COL24A1: variants seen among roughly 807,000 people sequenced by gnomAD.
COL24A1 encodes the protein collagen type XXIV alpha 1 chain, also known as collagen alpha-1(XXIV) chain.
In COL24A1, 224 loss-of-function variants were observed where a neutral mutation model predicts 253.9. The ratio of observed to expected loss-of-function variants is 0.88; its 90% CI spans 0.79 to 0.99. The LOEUF is 0.99. COL24A1 is among the 50% of genes least tolerant of loss of function. The pLI, the probability that COL24A1 is intolerant of heterozygous loss-of-function variation, is 0.00. For synonymous variants in COL24A1, 685 were observed against 673.7 expected, an observed-to-expected ratio of 1.02 and a Z score of -0.26; for missense variants, 2,131 against 2,068.5, an observed-to-expected ratio of 1.03 and a Z score of -0.59.
At chr1:85,755,520 T>A (rs1313748931) in intron 55 of COL24A1, among the ~76,000 whole-genome samples, 4 of 73,910 alleles carry the variant, frequency 5.4e-5, no homozygotes, top group African/African-American at 1.6e-4. Flanking sequence ...GGTACTGTCA[T>A]AAAGACAGAC....
intron 47 of COL24A1, among the ~76,000 whole-genome samples, chr1:85,813,496 G>A (rs1405902176): frequency 2.1e-5 from 3 of 143,190 alleles, no homozygotes; most frequent in African/African-American, 7.9e-5. Flanking sequence ...TCTGGCAGGT[G>A]ACTTAGGTCA....
intron 55 of COL24A1, among the ~76,000 whole-genome samples, chr1:85,746,314 A>G (rs189184461): frequency 6.3e-4 from 96 of 152,276 alleles, no homozygotes; most frequent in African/African-American, 2.2e-3. Context: ...AGTTTGAAAA[A>G]CTATTTGAAA....
chr1:85,882,960 A>G (rs1375047720), intron 32 of COL24A1, among the ~76,000 whole-genome samples: 2 of 152,102 alleles, frequency 1.3e-5, no homozygotes, highest in Non-Finnish European at 2.9e-5. Flanking sequence ...ACTTTCCTTC[A>G]TATTTCACAT....
chr1:85,942,777 G>A (rs781231187), intron 24 of COL24A1, among the ~76,000 whole-genome samples: 3 of 152,138 alleles, frequency 2.0e-5, no homozygotes, highest in Non-Finnish European at 2.9e-5. Flanking sequence ...ATTGCATCAC[G>A]TTAGTTACAT....
intron 38 of COL24A1, among the ~76,000 whole-genome samples, chr1:85,848,139 C>G (rs1273283062): frequency 6.6e-6 from 1 of 152,128 alleles, no homozygotes; most frequent in Non-Finnish European, 1.5e-5. Context: ...TTCAATGCAA[C>G]AAGGTCTGTT....
At chr1:86,023,618 AAG>A (rs1039255162) in intron 14 of COL24A1, among the ~76,000 whole-genome samples, 3 of 152,140 alleles carry the variant, frequency 2.0e-5, no homozygotes, top group African/African-American at 7.2e-5. Context: ...TGAAGAAAAA[AAG>A]AGAAAAAAGA....
At position 86,125,993 on chromosome 1, in the gene COL24A1, G is replaced by A. The variant is rs1161839928; in HGVS notation, c.343C>T (p.His115Tyr). The change falls in exon 3 of 60, where the codon CAT (histidine) becomes TAT (tyrosine). Residue 115 changes from histidine (H) to tyrosine (Y), a missense_variant. Transcript: ENST00000370571. Reference protein sequence around the residue: ...PFTILTGLQSHRVNNAFLFSI... With the variant: ...PFTILTGLQSYRVNNAFLFSI... ...AAGAGAAATGCATTGTTCACCCGAT[G>A]TGACTGTAACCCAGTTAATATTGTA... 2 of 1,613,476 alleles carry A rather than the reference G, an allele frequency of 1.2e-6. No homozygotes were observed. Among genetic ancestry groups the A allele is most frequent in the East Asian group, 2.2e-5 (1 of 44,858 alleles).
At chr1:85,974,960 T>C (rs1004063492) in intron 20 of COL24A1, among the ~76,000 whole-genome samples, 1 of 152,140 alleles carries the variant, frequency 6.6e-6, no homozygotes, top group Non-Finnish European at 1.5e-5. Context: ...TCCTTTTATA[T>C]CAGACATTAA....
In COL24A1 at chr1:85,963,954, T is replaced by C. The variant is rs1412057260; in HGVS notation, c.2517+1055A>G. Among the ~76,000 whole-genome samples, 10 of 152,116 alleles carry C rather than the reference T, an allele frequency of 6.6e-5. No individual in the cohort carries two copies. In the East Asian group the frequency reaches 1.3e-3, roughly 20 times the overall value. On this transcript the variant is annotated intron_variant, in intron 23 of 59. Coordinates refer to ENST00000370571, the MANE Select transcript of COL24A1 (RefSeq NM_152890.7). ...AATCCTATTTTTCAGAGGACTTTTA[T>C]ATGTAACTTGAGAAAGAGTCAGGTA...
Position 85,744,819 on chromosome 1 carries a change from C to T in COL24A1, c.4519G>A (p.Glu1507Lys). 6.2e-7 allele frequency: 1 copy of T among 1,607,660 alleles called. No individual in the cohort carries two copies. The highest frequency in any genetic ancestry group is 8.5e-7 in the Non-Finnish European group (1 of 1,177,392). The change falls in exon 57 of 60, where the codon GAA (glutamate) becomes AAA (lysine). Residue 1507 changes from glutamate to lysine, a missense_variant. Glu to Lys is a moderately conservative substitution (Grantham distance 56). Coordinates refer to ENST00000370571, the MANE Select transcript of COL24A1 (RefSeq NM_152890.7). ...ALQMESYQNTEVTLIDHSEEI... is the reference protein window; with the variant it reads ...ALQMESYQNTKVTLIDHSEEI... ...TCACTGTGGTCAATTAAAGTCACTT[C>T]AGTATTCTGGTAGCTCTGCCAAGTC...
chr1:85,776,746 A>G (rs1368368580), intron 52 of COL24A1, among the ~76,000 whole-genome samples: 1 of 151,998 alleles, frequency 6.6e-6, no homozygotes, highest in Non-Finnish European at 1.5e-5. Flanking sequence ...ACTGTCTTCC[A>G]GAAAGTTAGT....
intron 47 of COL24A1, among the ~76,000 whole-genome samples, chr1:85,796,159 T>C (rs901291407): frequency 1.3e-5 from 2 of 152,212 alleles, no homozygotes; most frequent in African/African-American, 2.4e-5. Context: ...TTAAAGCTTA[T>C]GGAACTGAGA....
rs1476704665 is a variant in COL24A1, at chr1:85,800,820, A to G, written c.3952-14359T>C. Among the ~76,000 whole-genome samples, 3 of 152,176 alleles carry G rather than the reference A, an allele frequency of 2.0e-5. No homozygotes were observed. In the East Asian group the frequency reaches 5.8e-4, roughly 29 times the overall value. On this transcript the variant is annotated intron_variant, in intron 47 of 59. Coordinates refer to ENST00000370571, the MANE Select transcript of COL24A1 (RefSeq NM_152890.7). ...TGATCAGGCCTAGGTCAGAGCATGC[A>G]TCCTTGTTTCAAGTGACAAGGAAGT...
chr1:85,964,977 T>C, intron 23 of COL24A1, 32 bp downstream of exon 23: 1 of 1,570,986 alleles, frequency 6.4e-7, no homozygotes, highest in Non-Finnish European at 8.7e-7. Flanking sequence ...AAAATTATAT[T>C]TTAAAACTGA....
At chr1:85,786,572 T>G in intron 47 of COL24A1, 111 bp from the exon 48 acceptor site, 1 of 723,634 alleles carries the variant, frequency 1.4e-6, no homozygotes, top group South Asian at 2.9e-5. Context: ...GTTAACATAC[T>G]GCCCAGGAGT....
At chr1:86,152,051 G>T (rs1652849582) in intron 1 of COL24A1, among the ~76,000 whole-genome samples, 1 of 152,154 alleles carries the variant, frequency 6.6e-6, no homozygotes, top group African/African-American at 2.4e-5. Context: ...CTAAGATCGA[G>T]AAATAGTAAA....
intron 43 of COL24A1, among the ~76,000 whole-genome samples, chr1:85,835,944 T>C (rs1675954047): frequency 1.3e-5 from 2 of 152,188 alleles, no homozygotes; most frequent in Admixed American, 1.3e-4. Context: ...TTACCTTCCT[T>C]TGATGCAGGT....
intron 47 of COL24A1, among the ~76,000 whole-genome samples, chr1:85,787,335 G>C (rs933654818): frequency 6.6e-6 from 1 of 152,040 alleles, no homozygotes; most frequent in African/African-American, 2.4e-5. Flanking sequence ...GCATGCATTA[G>C]CTATTTTTCC....
At chr1:86,044,332 G>A (rs572594581) in intron 12 of COL24A1, among the ~76,000 whole-genome samples, 8 of 152,092 alleles carry the variant, frequency 5.3e-5, no homozygotes, top group Non-Finnish European at 1.2e-4. Flanking sequence ...CTTGCCATAA[G>A]TTGACATGTG....
Sources: allele counts gnomAD v4.1 joint callset (sites outside exome capture counted in the v4.1 genomes callset), GRCh38; gene constraint gnomAD v4.1.1; transcripts MANE v1.5; gene names NCBI Gene and HGNC (gene_info 2026-07-23, HGNC 2026-07-21).